The following ADK variants were observed in gnomAD, a reference collection of about 807,000 sequenced individuals.
ADK encodes N6,N6-dimethyladenosine kinase.
A neutral mutation model predicts 44.7 loss-of-function variants in ADK; 24 were observed. The ratio of observed to expected loss-of-function variants is 0.54; its 90% CI spans 0.39 to 0.76. ADK has a LOEUF of 0.76. Ranked by LOEUF, ADK falls within the 30% of genes least tolerant of loss-of-function variation. The pLI, the probability that ADK is intolerant of heterozygous loss-of-function variation, is 0.00. For synonymous variants in ADK, 128 were observed against 142.6 expected, an observed-to-expected ratio of 0.90 and a Z score of 0.73; for missense variants, 321 against 425.1, an observed-to-expected ratio of 0.76 and a Z score of 2.15.
chr10:74,249,493 G>A (rs879450964), intron 3 of ADK, among the ~76,000 whole-genome samples: 11 of 100,324 alleles, frequency 1.1e-4, no homozygotes, highest in Non-Finnish European at 2.2e-4. Flanking sequence ...GCATGTACAT[G>A]CATACACACA....
intron 3 of ADK, among the ~76,000 whole-genome samples, chr10:74,278,814 A>G (rs1402193052): frequency 6.6e-6 from 1 of 152,244 alleles, no homozygotes; most frequent in East Asian, 1.9e-4. Context: ...CTGGGACTAC[A>G]GATGTTAGCC....
At chr10:74,406,499 C>T (rs966995160) in intron 6 of ADK, among the ~76,000 whole-genome samples, 12 of 133,982 alleles carry the variant, frequency 9.0e-5, no homozygotes, top group Non-Finnish European at 1.2e-4. Flanking sequence ...TTTGGGACTC[C>T]GATTAAAATA....
intron 6 of ADK, among the ~76,000 whole-genome samples, chr10:74,444,374 A>G (rs116583578): frequency 2.0e-5 from 3 of 152,214 alleles, no homozygotes; most frequent in African/African-American, 7.2e-5. Context: ...TATTAAACAC[A>G]TACTTGGGAG....
intron 6 of ADK, among the ~76,000 whole-genome samples, chr10:74,450,543 A>G (rs1417726618): frequency 6.6e-6 from 1 of 152,244 alleles, no homozygotes; most frequent in Admixed American, 6.5e-5. Flanking sequence ...TAATTTTGTA[A>G]TAAATCACCT....
intron 4 of ADK, among the ~76,000 whole-genome samples, chr10:74,377,995 A>C (rs922587443): frequency 2.0e-5 from 3 of 151,860 alleles, no homozygotes; most frequent in Non-Finnish European, 4.4e-5. Flanking sequence ...TGAGCTTTGG[A>C]GATGAGGTGT....
chr10:74,324,539 G>C (rs1000417866), intron 4 of ADK, among the ~76,000 whole-genome samples: 3 of 152,134 alleles, frequency 2.0e-5, no homozygotes, highest in African/African-American at 7.2e-5. Flanking sequence ...CTGTTAACAA[G>C]TTATTCTCCA....
intron 8 of ADK, among the ~76,000 whole-genome samples, chr10:74,594,259 A>AT (rs770627169): frequency 9.7e-4 from 148 of 152,260 alleles, no homozygotes; most frequent in Non-Finnish European, 1.5e-3. Flanking sequence ...GGCTGCAGCA[A>AT]ACCACCATGG....
chr10:74,545,822 A>G (rs1422319187), intron 7 of ADK, among the ~76,000 whole-genome samples: 2 of 152,220 alleles, frequency 1.3e-5, no homozygotes, highest in Non-Finnish European at 2.9e-5. Context: ...TGGAGTTACT[A>G]AGTTAATACA....
At chr10:74,510,224 A>G (rs917807065) in intron 6 of ADK, among the ~76,000 whole-genome samples, 3 of 151,988 alleles carry the variant, frequency 2.0e-5, no homozygotes, top group Admixed American at 1.3e-4. Context: ...ATCCTCACCA[A>G]CATTTTTTTT....
intron 9 of ADK, among the ~76,000 whole-genome samples, chr10:74,660,932 T>TGAGGCAGAAGAATCGCTTGAACTCAG (rs1234591896): frequency 1.3e-5 from 2 of 151,182 alleles, no homozygotes; most frequent in Non-Finnish European, 2.9e-5. Flanking sequence ...CTCAGGAGGC[T>TGAGGCAGAAGAATCGCTTGAACTCAG]GAGGCAGAAG....
chr10:74,708,246 T>C, intron 10 of ADK, 75 bp from the exon 11 acceptor site: 1 of 1,498,576 alleles, frequency 6.7e-7, no homozygotes, highest in Middle Eastern at 1.7e-4. Context: ...TTAGATCATA[T>C]ATTGGTCTGA....
chr10:74,572,882 G>T (rs1206817633), intron 7 of ADK, among the ~76,000 whole-genome samples: 1 of 152,128 alleles, frequency 6.6e-6, no homozygotes, highest in South Asian at 2.1e-4. Context: ...CTCTATATTG[G>T]TTATTCTAGT....
At chr10:74,531,181 C>A (rs551153675) in intron 7 of ADK, among the ~76,000 whole-genome samples, 33 of 152,230 alleles carry the variant, frequency 2.2e-4, no homozygotes, top group African/African-American at 7.5e-4. Context: ...AGAAGACAAT[C>A]CTCAGTGCAC....
At chr10:74,558,468 G>A (rs189567171) in intron 7 of ADK, among the ~76,000 whole-genome samples, 1 of 152,210 alleles carries the variant, frequency 6.6e-6, no homozygotes, top group East Asian at 1.9e-4. Context: ...CATGACAGGA[G>A]TAAATTCTCT....
At chr10:74,183,378 G>C (rs1050617706) in intron 1 of ADK, among the ~76,000 whole-genome samples, 1 of 152,184 alleles carries the variant, frequency 6.6e-6, no homozygotes, top group Admixed American at 6.5e-5. Flanking sequence ...TTCAAGGCCA[G>C]CCTGGGCAAT....
intron 6 of ADK, among the ~76,000 whole-genome samples, chr10:74,482,338 A>G (rs1400139809): frequency 6.6e-6 from 1 of 152,180 alleles, no homozygotes; most frequent in Non-Finnish European, 1.5e-5. Flanking sequence ...TTGAAAACTC[A>G]TGCACTATCA....
intron 9 of ADK, among the ~76,000 whole-genome samples, chr10:74,657,421 T>A (rs1854528400): frequency 6.6e-6 from 1 of 152,242 alleles, no homozygotes; most frequent in African/African-American, 2.4e-5. Flanking sequence ...AATTGTATGA[T>A]TTACTTTTAT....
intron 7 of ADK, among the ~76,000 whole-genome samples, chr10:74,576,192 G>A (rs532375933): frequency 5.6e-4 from 86 of 152,264 alleles, no homozygotes; most frequent in Admixed American, 1.1e-3. Context: ...GAGAGAATGG[G>A]AATAAAGATA....
chr10:74,655,925 G>T, intron 9 of ADK: 1 of 687,884 alleles, frequency 1.5e-6, no homozygotes, highest in Non-Finnish European at 2.8e-6. Context: ...TTGGCAAGCT[G>T]CCCATCTGCA....
Sources: gnomAD v4.1 joint callset for allele counts (sites outside exome capture counted in the v4.1 genomes callset) on GRCh38, gnomAD v4.1.1 for gene constraint, MANE v1.5 for transcripts, NCBI Gene and HGNC (gene_info 2026-07-23, HGNC 2026-07-21) for gene names.